The following EFR3A variants were observed in gnomAD, a reference collection of about 807,000 sequenced individuals.
The protein encoded by EFR3A is protein EFR3 homolog A.
EFR3A carries 76 observed loss-of-function variants against 104.4 expected under a neutral mutation model. That is an observed-to-expected ratio of 0.73 (90% CI 0.60 to 0.88). The LOEUF is 0.88. EFR3A is among the 40% of genes least tolerant of loss of function. The pLI is 0.00. For synonymous variants in EFR3A, 330 were observed against 330.0 expected (o/e 1.00, Z 0.00); for missense variants, 985 against 1,012.5 (o/e 0.97, Z 0.37).
chr8:131,965,863 A>G (rs944060131), intron 8 of EFR3A, among the ~76,000 whole-genome samples: 5 of 152,254 alleles, frequency 3.3e-5, no homozygotes, highest in Admixed American at 2.6e-4. Context: ...CATATACACC[A>G]TGGAATACTA....
rs199960203 is a variant in EFR3A, at chr8:131,946,594, A to G, written c.327A>G (p.Glu109=). The change falls in exon 4 of 23, where the codon GAA becomes GAG. Residue 109 remains glutamate, a synonymous_variant. Coordinates refer to ENST00000254624, the MANE Select transcript of EFR3A (RefSeq NM_015137.6). ...TTCATATGGTGGCAAAGCTGCTGGA[A>G]TCGGGGGAACCAAAGCTTCAAGTTC... ...SFLHMVAKLL[E]SGEPKLQVLG... is the part of the protein sequence containing the mutation. 251 of 1,605,452 alleles carry G rather than the reference A, an allele frequency of 1.6e-4. No individual in the cohort carries two copies. Among genetic ancestry groups the G allele is most frequent in the Non-Finnish European group, 2.0e-4 (241 of 1,176,082 alleles).
At chr8:131,929,493 C>G (rs971782952) in intron 1 of EFR3A, among the ~76,000 whole-genome samples, 1 of 152,082 alleles carries the variant, frequency 6.6e-6, no homozygotes, top group Non-Finnish European at 1.5e-5. Context: ...TTACTTCTTG[C>G]AGAAAGGTTT....
intron 1 of EFR3A, among the ~76,000 whole-genome samples, chr8:131,928,192 TC>T (rs1817400936): frequency 6.6e-6 from 1 of 152,100 alleles, no homozygotes. Context: ...TTTGAATGTC[TC>T]TCCTGGAAGA....
chr8:131,978,105 G>A (rs893456923), intron 12 of EFR3A, among the ~76,000 whole-genome samples: 1 of 152,162 alleles, frequency 6.6e-6, no homozygotes, highest in African/African-American at 2.4e-5. Flanking sequence ...TAAATGTTAA[G>A]TATTCCATAC....
chr8:131,962,388 A>G (rs1174865088), intron 8 of EFR3A, among the ~76,000 whole-genome samples: 1 of 152,212 alleles, frequency 6.6e-6, no homozygotes, highest in Non-Finnish European at 1.5e-5. Context: ...ATGGAAAACA[A>G]AAAACGGCAG....
At chr8:132,001,864 C>CT in intron 20 of EFR3A, 57 bp downstream of exon 20, 1 of 1,450,220 alleles carries the variant, frequency 6.9e-7, no homozygotes, top group Non-Finnish European at 9.7e-7. Context: ...TTATCTGCTG[C>CT]TTTTTTCGAT....
chr8:131,927,104 C>A (rs1282542792), intron 1 of EFR3A, among the ~76,000 whole-genome samples: 1 of 152,030 alleles, frequency 6.6e-6, no homozygotes, highest in South Asian at 2.1e-4. Flanking sequence ...GCTTATAGAC[C>A]TCTGAGAAAA....
At chr8:131,930,256 A>G (rs1281271981) in intron 1 of EFR3A, among the ~76,000 whole-genome samples, 1 of 152,068 alleles carries the variant, frequency 6.6e-6, no homozygotes, top group Non-Finnish European at 1.5e-5. Context: ...CTTATGTTTT[A>G]GAGCCTACTA....
chr8:131,954,196 T>C (rs1431240932), intron 6 of EFR3A, among the ~76,000 whole-genome samples: 1 of 152,156 alleles, frequency 6.6e-6, no homozygotes, highest in African/African-American at 2.4e-5. Flanking sequence ...TATTTTCTTT[T>C]AGAATAAGTT....
intron 4 of EFR3A, among the ~76,000 whole-genome samples, chr8:131,949,324 C>T (rs898796730): frequency 6.6e-6 from 1 of 152,078 alleles, no homozygotes; most frequent in Admixed American, 6.6e-5. Context: ...AGCTAAATAA[C>T]TTGTCCAAAG....
At chr8:131,964,399 A>C (rs1269434967) in intron 8 of EFR3A, among the ~76,000 whole-genome samples, 4 of 152,048 alleles carry the variant, frequency 2.6e-5, no homozygotes, top group Non-Finnish European at 5.9e-5. Flanking sequence ...TCAATGTGCA[A>C]AAATCACAAG....
At chr8:131,953,596 C>T (rs75924336) in intron 5 of EFR3A, among the ~76,000 whole-genome samples, 3,318 of 152,060 alleles carry the variant, frequency 0.022, 57 homozygotes, top group Middle Eastern at 0.044. Flanking sequence ...GTTTTAAATG[C>T]GGATTTTAAG....
chr8:131,988,010 T>G (rs1820981235), intron 18 of EFR3A, among the ~76,000 whole-genome samples: 1 of 152,126 alleles, frequency 6.6e-6, no homozygotes, highest in African/African-American at 2.4e-5. Flanking sequence ...TTAAATGATA[T>G]TCTATTTAAG....
rs1286835064 is a variant in EFR3A at position 132,011,433 on chromosome 8, T to C, written c.*538T>C. 5 of 984,598 alleles carry C rather than the reference T, an allele frequency of 5.1e-6. No individual in the cohort carries two copies. The highest frequency in any genetic ancestry group is 1.2e-4 in the Admixed American group (2 of 16,280). The allele number at this position is 984,598 out of a possible 1,614,324, so 61.0% of individuals were successfully genotyped here. The stretch of plus-strand genomic sequence containing the variant: ...TTGCTATTCAGTTACTATAATAATA[T>C]GTGATAGGCATTCCTCATCTTCTTC... On this transcript the variant is annotated 3_prime_UTR_variant, in exon 23 of 23. Coordinates refer to ENST00000254624, the MANE Select transcript of EFR3A (RefSeq NM_015137.6).
chr8:131,946,604 C>A lies in EFR3A; in HGVS notation c.337C>A (p.Pro113Thr). The A allele has an allele frequency of 1.9e-6, 3 of 1,603,402 alleles. No homozygotes were observed. Among genetic ancestry groups the A allele is most frequent in the Non-Finnish European group, 2.6e-6 (3 of 1,175,076 alleles). Reference protein sequence around the residue: ...MVAKLLESGEPKLQVLGTNSF... With the variant: ...MVAKLLESGETKLQVLGTNSF... The stretch of plus-strand genomic sequence containing the variant: ...GGCAAAGCTGCTGGAATCGGGGGAA[C>A]CAAAGCTTCAAGTTCTTGGAACAAA... The change falls in exon 4 of 23, where the codon CCA becomes ACA. Residue 113 changes from proline to threonine, a missense_variant. By Grantham distance (38) the Pro-to-Thr change is conservative. Coordinates refer to ENST00000254624, the MANE Select transcript of EFR3A (RefSeq NM_015137.6).
chr8:131,952,794 T>G (rs549596784), intron 5 of EFR3A, among the ~76,000 whole-genome samples: 1 of 152,330 alleles, frequency 6.6e-6, no homozygotes, highest in African/African-American at 2.4e-5. Context: ...CCATTGTCCA[T>G]CTGCTACTCC....
At chr8:131,937,339 G>A (rs1331402771) in intron 1 of EFR3A, among the ~76,000 whole-genome samples, 1 of 152,074 alleles carries the variant, frequency 6.6e-6, no homozygotes, top group Non-Finnish European at 1.5e-5. Flanking sequence ...GTAGGTAGTA[G>A]GATTTTCCTG....
chr8:131,975,777 T>A (rs1232351374), intron 10 of EFR3A, among the ~76,000 whole-genome samples: 2 of 152,176 alleles, frequency 1.3e-5, no homozygotes, highest in Non-Finnish European at 2.9e-5. Context: ...GTCACTGTTA[T>A]AATTATATAA....
At chr8:131,930,168 T>C (rs1165283818) in intron 1 of EFR3A, among the ~76,000 whole-genome samples, 1 of 152,154 alleles carries the variant, frequency 6.6e-6, no homozygotes, top group Non-Finnish European at 1.5e-5. Flanking sequence ...GTTTATTCAT[T>C]CATTTAACAA....
Sources: allele counts gnomAD v4.1 joint callset (sites outside exome capture counted in the v4.1 genomes callset), GRCh38; gene constraint gnomAD v4.1.1; transcripts MANE v1.5; gene names NCBI Gene and HGNC (gene_info 2026-07-23, HGNC 2026-07-21).